WWC2: variants seen among roughly 807,000 people sequenced by gnomAD.
The protein encoded by WWC2 is WW and C2 domain containing 2, also known as protein WWC2.
WWC2 carries 101 observed loss-of-function variants against 138.5 expected under a neutral mutation model. That is an observed-to-expected ratio of 0.73 (90% CI 0.62 to 0.86). The LOEUF (loss-of-function observed/expected upper bound fraction) is 0.86, where lower values mean the gene tolerates loss of function less well. Ranked by LOEUF, WWC2 falls within the 40% of genes least tolerant of loss-of-function variation. The pLI is 0.00. For synonymous variants in WWC2, 558 were observed against 538.4 expected (o/e 1.04, Z -0.50); for missense variants, 1,420 against 1,419.4 (o/e 1.00, Z -0.01).
At chr4:183,193,269 A>G (rs1470442442) in intron 1 of WWC2, among the ~76,000 whole-genome samples, 2 of 152,092 alleles carry the variant, frequency 1.3e-5, no homozygotes, top group African/African-American at 4.8e-5. Context: ...CTTGGGACAC[A>G]TTTTTCTTTT....
intron 1 of WWC2, among the ~76,000 whole-genome samples, chr4:183,149,673 T>C (rs932588157): frequency 1.3e-5 from 2 of 149,868 alleles, no homozygotes; most frequent in African/African-American, 4.9e-5. Flanking sequence ...CTTCTCTCTT[T>C]TTTTTTTTTT....
intron 1 of WWC2, among the ~76,000 whole-genome samples, chr4:183,192,186 G>A (rs890202701): frequency 1.6e-4 from 24 of 152,298 alleles, no homozygotes; most frequent in African/African-American, 5.8e-4. Context: ...GACATTTATT[G>A]ACTACTTATA....
At chr4:183,156,393 T>G (rs1579995465) in intron 1 of WWC2, among the ~76,000 whole-genome samples, 2 of 145,208 alleles carry the variant, frequency 1.4e-5, no homozygotes, top group South Asian at 4.3e-4. Flanking sequence ...TGTAGTGCAG[T>G]GGCACAATCT....
chr4:183,118,960 A>G (rs1178563825), intron 1 of WWC2, among the ~76,000 whole-genome samples: 1 of 151,942 alleles, frequency 6.6e-6, no homozygotes, highest in Non-Finnish European at 1.5e-5. Flanking sequence ...TCCCCTGACA[A>G]CACTTTACTT....
intron 1 of WWC2, among the ~76,000 whole-genome samples, chr4:183,106,361 A>G (rs1465284424): frequency 1.3e-5 from 2 of 152,198 alleles, no homozygotes; most frequent in South Asian, 2.1e-4. Context: ...TAGGTTCACA[A>G]TGTTTTCAAT....
rs1311905223 is a variant in WWC2, at chr4:183,253,839, A to G, written c.1036A>G (p.Met346Val). ...GALDIEKEKL[M>V]LINEKEELLK... is the part of the protein sequence containing the mutation. The stretch of plus-strand genomic sequence containing the variant: ...ACTGGATATTGAGAAGGAAAAACTG[A>G]TGCTGATTAATGAAAAAGAAGAACT... Residue 346 changes from methionine (M) to valine (V), a missense_variant, in exon 9 of 23, where the codon ATG (methionine) becomes GTG (valine). Transcript: ENST00000403733. 1.2e-6 allele frequency: 2 copies of G among 1,613,586 alleles called. No individual in the cohort carries two copies. The highest frequency in any genetic ancestry group is 1.7e-6 in the Non-Finnish European group (2 of 1,179,786).
At chr4:183,125,236 C>T (rs1489951313) in intron 1 of WWC2, among the ~76,000 whole-genome samples, 3 of 152,152 alleles carry the variant, frequency 2.0e-5, no homozygotes, top group Non-Finnish European at 4.4e-5. Flanking sequence ...TTGCAAGTGA[C>T]TCAGTTCAAG....
chr4:183,152,821 T>G (rs2111120632), intron 1 of WWC2, among the ~76,000 whole-genome samples: 1 of 151,966 alleles, frequency 6.6e-6, no homozygotes, highest in African/African-American at 2.4e-5. Context: ...AGGCAGAGGT[T>G]GCAGTGAGCC....
chr4:183,136,832 G>T (rs975832531), intron 1 of WWC2, among the ~76,000 whole-genome samples: 14 of 152,122 alleles, frequency 9.2e-5, no homozygotes, highest in African/African-American at 3.4e-4. Flanking sequence ...CCAAAAGATT[G>T]GATACTGCTG....
At chr4:183,230,631 T>C (rs766782431) in intron 4 of WWC2, among the ~76,000 whole-genome samples, 1 of 152,086 alleles carries the variant, frequency 6.6e-6, no homozygotes. Context: ...GAGCCGAGAT[T>C]GTGTCATTGC....
At chr4:183,161,991 T>A (rs992831793) in intron 1 of WWC2, among the ~76,000 whole-genome samples, 8 of 152,216 alleles carry the variant, frequency 5.3e-5, no homozygotes, top group African/African-American at 1.9e-4. Flanking sequence ...GATGGAGATG[T>A]CTCAGGGGAA....
At chr4:183,261,593 AG>A in intron 11 of WWC2, 61 bp downstream of exon 11, 1 of 1,494,938 alleles carries the variant, frequency 6.7e-7, no homozygotes, top group Non-Finnish European at 8.9e-7. Context: ...GAATGATTGG[AG>A]CATTATTTTT....
chr4:183,268,003 G>A (rs565804692), intron 14 of WWC2, among the ~76,000 whole-genome samples: 81 of 152,280 alleles, frequency 5.3e-4, no homozygotes, highest in African/African-American at 1.8e-3. Context: ...GGGACAGTGA[G>A]CTGTGTCTTA....
chr4:183,159,579 A>G (rs902909013), intron 1 of WWC2, among the ~76,000 whole-genome samples: 2 of 151,608 alleles, frequency 1.3e-5, no homozygotes, highest in Non-Finnish European at 2.9e-5. Flanking sequence ...AATTTTTTGT[A>G]TTTTCAGTAG....
intron 1 of WWC2, among the ~76,000 whole-genome samples, chr4:183,125,078 C>T (rs986485596): frequency 6.6e-6 from 1 of 152,224 alleles, no homozygotes; most frequent in Middle Eastern, 3.4e-3. Flanking sequence ...TGTGTGGGAC[C>T]GATGCAGGAA....
At chr4:183,279,906 CA>C (rs1367107663) in intron 16 of WWC2, among the ~76,000 whole-genome samples, 1 of 152,050 alleles carries the variant, frequency 6.6e-6, no homozygotes, top group Non-Finnish European at 1.5e-5. Flanking sequence ...TTTATCATTT[CA>C]TTCAGTTATT....
rs201292005 is a variant in WWC2 at position 183,265,964 on chromosome 4, A to G, written c.2207+13A>G. The G allele has an allele frequency of 1.2e-6, 2 of 1,601,092 alleles. No homozygotes were observed. Among genetic ancestry groups the G allele is most frequent in the East Asian group, 4.5e-5 (2 of 44,706 alleles). On this transcript the variant is annotated intron_variant, in intron 14 of 22. Coordinates refer to ENST00000403733, the MANE Select transcript of WWC2 (RefSeq NM_024949.6). ...ATACTTCAAAAGTGTAAGTAAAATC[A>G]GCGAAGATCAAATTGAGGAACTTAA...
At chr4:183,119,024 G>A (rs1391940681) in intron 1 of WWC2, among the ~76,000 whole-genome samples, 5 of 151,318 alleles carry the variant, frequency 3.3e-5, no homozygotes, top group African/African-American at 4.9e-5. Context: ...GCTTTCTACC[G>A]TACTCCAGTC....
intron 14 of WWC2, among the ~76,000 whole-genome samples, chr4:183,268,241 T>G (rs1737571132): frequency 6.6e-6 from 1 of 152,222 alleles, no homozygotes; most frequent in South Asian, 2.1e-4. Context: ...TCCTGGGATT[T>G]AAAGGAAGTT....
Sources: allele counts gnomAD v4.1 joint callset (sites outside exome capture counted in the v4.1 genomes callset), GRCh38; gene constraint gnomAD v4.1.1; transcripts MANE v1.5; gene names NCBI Gene and HGNC (gene_info 2026-07-23, HGNC 2026-07-21).